Variants in FSTL5 observed in about 807,000 individuals in gnomAD.
The protein encoded by FSTL5 is follistatin like 5, also known as follistatin-related protein 5.
FSTL5 carries 62 observed loss-of-function variants against 89.1 expected under a neutral mutation model. That is an observed-to-expected ratio of 0.70 (90% confidence interval 0.57 to 0.86). The LOEUF (loss-of-function observed/expected upper bound fraction) is 0.86. Ranked by LOEUF, FSTL5 falls within the 40% of genes least tolerant of loss-of-function variation. The pLI is 0.00. For synonymous variants in FSTL5, 383 were observed against 346.2 expected, an observed-to-expected ratio of 1.11 and a Z score of -1.18; for missense variants, 1,057 against 1,001.6, an observed-to-expected ratio of 1.06 and a Z score of -0.75.
chr4:162,115,254 C>A (rs1026266190), intron 1 of FSTL5, among the ~76,000 whole-genome samples: 3 of 151,996 alleles, frequency 2.0e-5, no homozygotes, highest in Non-Finnish European at 4.4e-5. Flanking sequence ...CAAACAGTAA[C>A]CTAAATTAAA....
chr4:161,495,472 T>C (rs1216608812), intron 12 of FSTL5: 1 of 152,138 alleles, frequency 6.6e-6, no homozygotes, highest in Non-Finnish European at 1.5e-5. Context: ...GATGAAATCA[T>C]GTGTACAACT....
At chr4:161,394,844 T>C (rs1488684277) in intron 15 of FSTL5, among the ~76,000 whole-genome samples, 1 of 152,184 alleles carries the variant, frequency 6.6e-6, no homozygotes, top group Admixed American at 6.5e-5. Context: ...AAAGTCAAAG[T>C]TGTGTTTTGC....
intron 6 of FSTL5, among the ~76,000 whole-genome samples, chr4:161,721,067 A>T (rs1029141481): frequency 6.6e-6 from 1 of 151,566 alleles, no homozygotes; most frequent in Non-Finnish European, 1.5e-5. Context: ...TCATGAGGTC[A>T]GGAGATCGAG....
chr4:161,496,397 C>A (rs1244687259), intron 12 of FSTL5, among the ~76,000 whole-genome samples: 2 of 152,122 alleles, frequency 1.3e-5, no homozygotes, highest in Non-Finnish European at 2.9e-5. Context: ...AGGTGATTAG[C>A]ATTTATAATT....
chr4:162,116,669 C>T (rs1393079889), intron 1 of FSTL5, among the ~76,000 whole-genome samples: 1 of 152,150 alleles, frequency 6.6e-6, no homozygotes, highest in Non-Finnish European at 1.5e-5. Context: ...TTTTGGTGGT[C>T]TGCTGGTATC....
At chr4:161,817,893 T>C (rs1420601426) in intron 4 of FSTL5, among the ~76,000 whole-genome samples, 1 of 152,228 alleles carries the variant, frequency 6.6e-6, no homozygotes, top group Non-Finnish European at 1.5e-5. Context: ...CTTTAAATGA[T>C]ACTGGAGTTG....
At chr4:162,050,963 GTAA>G (rs1738359915) in intron 2 of FSTL5, among the ~76,000 whole-genome samples, 1 of 151,390 alleles carries the variant, frequency 6.6e-6, no homozygotes, top group Non-Finnish European at 1.5e-5. Context: ...AAAACCTAAT[GTAA>G]CAATAATAAT....
chr4:161,803,123 C>T (rs751755495), intron 4 of FSTL5, among the ~76,000 whole-genome samples: 2 of 151,852 alleles, frequency 1.3e-5, no homozygotes, highest in Non-Finnish European at 2.9e-5. Context: ...CTTACTTAAA[C>T]TTTTATTCTG....
chr4:161,590,833 G>C (rs2126610883), intron 7 of FSTL5, among the ~76,000 whole-genome samples: 1 of 152,210 alleles, frequency 6.6e-6, no homozygotes, highest in African/African-American at 2.4e-5. Context: ...ATAACAGTTT[G>C]GCCACTCCTC....
intron 7 of FSTL5, among the ~76,000 whole-genome samples, chr4:161,655,084 C>T (rs369921968): frequency 7.9e-5 from 12 of 152,122 alleles, no homozygotes; most frequent in East Asian, 1.9e-4. Context: ...TTTCTTATTT[C>T]GAATACATTA....
rs1730564835 is a variant in FSTL5, at chr4:161,385,046, C to T, written c.*701G>A. On this transcript the variant is annotated 3_prime_UTR_variant, in exon 16 of 16. Transcript: ENST00000306100. Reference sequence around the variant, plus strand: ...TAATTATTTTTCCTCCCTTCCTCCCCACTTTCTATAGCATGCTGCAGATTA... The same window carrying T: ...TAATTATTTTTCCTCCCTTCCTCCCTACTTTCTATAGCATGCTGCAGATTA... 6.6e-6 allele frequency: 1 copy of T among 152,202 alleles called. No individual in the cohort carries two copies. Among genetic ancestry groups the T allele is most frequent in the Admixed American group, 6.6e-5 (1 of 15,264 alleles). 9.4% of individuals were successfully genotyped at this position (152,202 alleles called of 1,614,324 possible). A position where few individuals can be genotyped will look rare whatever the true frequency, so the allele number is the denominator to read the frequency against.
rs200110833 is a variant in FSTL5 at position 161,560,818 on chromosome 4, G to GA, written c.1016-18126dup. Among the ~76,000 whole-genome samples the GA allele has an allele frequency of 7.4e-3, 1,129 of 151,900 alleles. 11 individuals carry two copies. The highest frequency in any genetic ancestry group is 0.02 in the Middle Eastern group (6 of 294). ...AATGCCTTCTTCTAGAATACCTACT[G>GA]AACTACCTGCCTAAGGCTGTTTTAC... is the stretch of plus-strand genomic sequence containing the variant. On this transcript the variant is annotated intron_variant, in intron 8 of 15. Coordinates refer to ENST00000306100, the MANE Select transcript of FSTL5 (RefSeq NM_020116.5).
chr4:161,792,729 G>T (rs1289679542), intron 4 of FSTL5, among the ~76,000 whole-genome samples: 2 of 152,098 alleles, frequency 1.3e-5, no homozygotes, highest in African/African-American at 4.8e-5. Flanking sequence ...ACCCACTCCT[G>T]TTCTCATCCC....
At chr4:162,042,994 C>A (rs1738027968) in intron 2 of FSTL5, among the ~76,000 whole-genome samples, 1 of 150,168 alleles carries the variant, frequency 6.7e-6, no homozygotes, top group African/African-American at 2.4e-5. Context: ...ATACCTAATG[C>A]TAGATGACGA....
At chr4:162,049,960 C>T (rs1040045910) in intron 2 of FSTL5, among the ~76,000 whole-genome samples, 11 of 151,718 alleles carry the variant, frequency 7.3e-5, no homozygotes, top group African/African-American at 2.7e-4. Flanking sequence ...ATAAATGAAG[C>T]TGAATTATTA....
At chr4:162,118,920 G>T (rs1364847587) in intron 1 of FSTL5, among the ~76,000 whole-genome samples, 3 of 152,032 alleles carry the variant, frequency 2.0e-5, no homozygotes, top group Non-Finnish European at 4.4e-5. Context: ...TAGTAGCAAG[G>T]CTGACTATAA....
At chr4:161,698,698 G>A (rs1045445692) in intron 6 of FSTL5, among the ~76,000 whole-genome samples, 1 of 152,194 alleles carries the variant, frequency 6.6e-6, no homozygotes, top group Non-Finnish European at 1.5e-5. Flanking sequence ...GGAAGCCGAG[G>A]CGGGTGATCA....
chr4:162,072,517 ATTTC>A (rs1225124272), intron 2 of FSTL5, among the ~76,000 whole-genome samples: 3 of 151,892 alleles, frequency 2.0e-5, no homozygotes, highest in Non-Finnish European at 4.4e-5. Flanking sequence ...TACTACATTA[ATTTC>A]TTTCTAAGTA....
intron 3 of FSTL5, among the ~76,000 whole-genome samples, chr4:161,929,837 C>G (rs1734238317): frequency 6.6e-6 from 1 of 151,628 alleles, no homozygotes; most frequent in Non-Finnish European, 1.5e-5. Flanking sequence ...TTCCCTCAGT[C>G]TCTCTGACAT....
Sources: gnomAD v4.1 joint callset for allele counts (sites outside exome capture counted in the v4.1 genomes callset) on GRCh38, gnomAD v4.1.1 for gene constraint, MANE v1.5 for transcripts, NCBI Gene and HGNC (gene_info 2026-07-23, HGNC 2026-07-21) for gene names.